The following SORCS1 variants were observed in gnomAD, a reference collection of about 807,000 sequenced individuals.
SORCS1 encodes sortilin related VPS10 domain containing receptor 1.
A neutral mutation model predicts 146.1 loss-of-function variants in SORCS1; 60 were observed. That is an observed-to-expected ratio of 0.41 (90% CI 0.33 to 0.51). The LOEUF (loss-of-function observed/expected upper bound fraction) is 0.51, where lower values mean the gene tolerates loss of function less well. Ranked by LOEUF, SORCS1 falls within the 20% of genes least tolerant of loss-of-function variation. The pLI, the probability that SORCS1 is intolerant of heterozygous loss-of-function variation, is 0.21. For synonymous variants in SORCS1, 637 were observed against 584.0 expected (o/e 1.09, Z -1.31); for missense variants, 1,352 against 1,487.6 (o/e 0.91, Z 1.50).
intron 1 of SORCS1, among the ~76,000 whole-genome samples, chr10:107,038,838 C>T (rs974517705): frequency 3.3e-5 from 5 of 152,100 alleles, no homozygotes; most frequent in East Asian, 3.9e-4. Context: ...TTACCAAAAC[C>T]GAACTTCAAC....
intron 1 of SORCS1, among the ~76,000 whole-genome samples, chr10:107,010,838 A>G (rs1471180403): frequency 6.6e-6 from 1 of 152,198 alleles, no homozygotes; most frequent in Non-Finnish European, 1.5e-5. Context: ...CTTTTCCGCT[A>G]TAGTGAATGT....
At chr10:106,811,815 A>G (rs986403079) in intron 3 of SORCS1, among the ~76,000 whole-genome samples, 4 of 152,090 alleles carry the variant, frequency 2.6e-5, no homozygotes, top group African/African-American at 9.7e-5. Flanking sequence ...AGGAGATTAT[A>G]CTCTTTAGTT....
chr10:106,914,728 T>A (rs2138298196), intron 2 of SORCS1, among the ~76,000 whole-genome samples: 1 of 152,344 alleles, frequency 6.6e-6, no homozygotes, highest in South Asian at 2.1e-4. Context: ...GCCAGCACAA[T>A]ATTAATCAGT....
chr10:106,814,810 A>G (rs1328247288), intron 3 of SORCS1, among the ~76,000 whole-genome samples: 3 of 147,888 alleles, frequency 2.0e-5, no homozygotes, highest in East Asian at 4.3e-4. Flanking sequence ...AGCTACTTGG[A>G]AGGCTGAGGC....
intron 1 of SORCS1, among the ~76,000 whole-genome samples, chr10:107,153,059 C>G (rs1284966226): frequency 6.6e-6 from 1 of 151,914 alleles, no homozygotes; most frequent in Admixed American, 6.6e-5. Flanking sequence ...TTTCTCTTCC[C>G]TTCTCCCTCC....
chr10:106,637,840 T>C (rs1431135143), intron 18 of SORCS1, among the ~76,000 whole-genome samples: 2 of 152,234 alleles, frequency 1.3e-5, no homozygotes, highest in Admixed American at 6.5e-5. Context: ...GGCATTCCAA[T>C]AGGAACATCA....
intron 16 of SORCS1, among the ~76,000 whole-genome samples, chr10:106,669,839 G>C (rs1403448508): frequency 6.6e-6 from 1 of 152,160 alleles, no homozygotes; most frequent in African/African-American, 2.4e-5. Flanking sequence ...TCTGACGGCT[G>C]GCTGCCACTC....
At chr10:107,092,883 G>GAAAAAAAAAAAAAAAAAA (rs34184443) in intron 1 of SORCS1, among the ~76,000 whole-genome samples, 2 of 61,520 alleles carry the variant, frequency 3.3e-5, no homozygotes, top group Non-Finnish European at 6.0e-5. Context: ...AGAAGACCAT[G>GAAAAAAAAAAAAAAAAAA]AAAAAAAAAA....
chr10:106,825,487 T>C (rs1034493959), intron 3 of SORCS1, among the ~76,000 whole-genome samples: 1 of 151,986 alleles, frequency 6.6e-6, no homozygotes, highest in African/African-American at 2.4e-5. Flanking sequence ...TTAGCCAGGA[T>C]GGTCTCAATC....
chr10:107,159,124 C>A (rs1484502857), intron 1 of SORCS1, among the ~76,000 whole-genome samples: 1 of 152,066 alleles, frequency 6.6e-6, no homozygotes, highest in Non-Finnish European at 1.5e-5. Flanking sequence ...GAAATGAAGG[C>A]CTGCTGGGAT....
intron 1 of SORCS1, among the ~76,000 whole-genome samples, chr10:107,150,449 T>C (rs1002622480): frequency 5.3e-5 from 8 of 152,244 alleles, no homozygotes; most frequent in African/African-American, 1.9e-4. Context: ...CCATCACACA[T>C]GCAAGAGTGG....
chr10:106,645,242 C>T (rs1456390122), intron 18 of SORCS1, among the ~76,000 whole-genome samples: 1 of 151,250 alleles, frequency 6.6e-6, no homozygotes, highest in African/African-American at 2.4e-5. Context: ...AATCTCAGCT[C>T]ACTGCAACCT....
At chr10:106,745,585 T>C (rs537730445) in intron 5 of SORCS1, among the ~76,000 whole-genome samples, 19 of 152,296 alleles carry the variant, frequency 1.2e-4, no homozygotes, top group African/African-American at 4.3e-4. Context: ...TCCAAAATCT[T>C]GATCAATTTT....
intron 2 of SORCS1, among the ~76,000 whole-genome samples, chr10:106,942,536 G>A (rs1359338224): frequency 6.6e-6 from 1 of 152,140 alleles, no homozygotes; most frequent in African/African-American, 2.4e-5. Context: ...TCCCTCTCCT[G>A]TCTTCTCAGT....
chr10:106,812,731 T>C (rs1474160276), intron 3 of SORCS1, among the ~76,000 whole-genome samples: 1 of 152,210 alleles, frequency 6.6e-6, no homozygotes, highest in Non-Finnish European at 1.5e-5. Context: ...TATATATTAA[T>C]AGCTATTTAT....
chr10:106,918,183 C>T (rs954249555), intron 2 of SORCS1, among the ~76,000 whole-genome samples: 4 of 152,076 alleles, frequency 2.6e-5, no homozygotes, highest in East Asian at 3.9e-4. Context: ...TTTTTTGATA[C>T]GGAGTCTCGC....
chr10:106,765,373 G>GTT (rs34292579), intron 4 of SORCS1, among the ~76,000 whole-genome samples: 17 of 147,776 alleles, frequency 1.2e-4, no homozygotes, highest in Admixed American at 2.0e-4. Flanking sequence ...CTCCTGAAGG[G>GTT]TTTTTTTTTT....
intron 2 of SORCS1, among the ~76,000 whole-genome samples, chr10:106,907,236 G>A (rs1951947718): frequency 6.6e-6 from 1 of 151,922 alleles, no homozygotes; most frequent in Non-Finnish European, 1.5e-5. Context: ...ATAACACACT[G>A]GAAAGAAACT....
chr10:107,042,927 C>T (rs1426684109), intron 1 of SORCS1, among the ~76,000 whole-genome samples: 1 of 152,084 alleles, frequency 6.6e-6, no homozygotes, highest in Non-Finnish European at 1.5e-5. Context: ...AACACTGACA[C>T]AGCTCAAGAA....
Sources: gnomAD v4.1 joint callset for allele counts (sites outside exome capture counted in the v4.1 genomes callset) on GRCh38, gnomAD v4.1.1 for gene constraint, MANE v1.5 for transcripts, NCBI Gene and HGNC (gene_info 2026-07-23, HGNC 2026-07-21) for gene names.